RBFOX1: variants seen among roughly 807,000 people sequenced by gnomAD.
The protein encoded by RBFOX1 is RNA binding fox-1 homolog 1.
A neutral mutation model predicts 57.7 loss-of-function variants in RBFOX1; 8 were observed. The ratio of observed to expected loss-of-function variants is 0.14; its 90% CI spans 0.08 to 0.25. RBFOX1 has a LOEUF of 0.25. Ranked by LOEUF, RBFOX1 falls within the 10% of genes least tolerant of loss-of-function variation. The pLI is 1.00. For missense variants in RBFOX1, 611 were observed against 548.5 expected, an observed-to-expected ratio of 1.11 and a Z score of -1.14; for synonymous variants, 326 against 222.4, an observed-to-expected ratio of 1.47 and a Z score of -4.15.
intron 3 of RBFOX1, among the ~76,000 whole-genome samples, chr16:5,730,460 G>C (rs1465917269): frequency 6.6e-6 from 1 of 152,144 alleles, no homozygotes; most frequent in African/African-American, 2.4e-5. Flanking sequence ...ACACACACTG[G>C]AGCTGTTAAT....
intron 10 of RBFOX1, among the ~76,000 whole-genome samples, chr16:7,619,562 G>C (rs1191442737): frequency 1.3e-5 from 2 of 152,138 alleles, no homozygotes; most frequent in African/African-American, 2.4e-5. Flanking sequence ...TCCACAAATA[G>C]AGTCCCTCCT....
At chr16:5,269,752 T>G (rs1308456059) in intron 1 of RBFOX1, among the ~76,000 whole-genome samples, 2 of 152,188 alleles carry the variant, frequency 1.3e-5, no homozygotes, top group East Asian at 3.9e-4. Flanking sequence ...TAAAATTGAC[T>G]AGTAATGTTT....
chr16:6,854,347 G>C (rs942265582), intron 3 of RBFOX1, among the ~76,000 whole-genome samples: 14 of 152,076 alleles, frequency 9.2e-5, no homozygotes, highest in Admixed American at 8.5e-4. Flanking sequence ...TGGAACCTAT[G>C]AAGAGGAAAG....
At chr16:5,516,589 C>T (rs867329355) in intron 2 of RBFOX1, among the ~76,000 whole-genome samples, 1 of 152,126 alleles carries the variant, frequency 6.6e-6, no homozygotes, top group African/African-American at 2.4e-5. Context: ...TTATAGTAGG[C>T]CCTCAATAAA....
At chr16:6,157,608 C>T (rs2096847501) in intron 1 of RBFOX1, among the ~76,000 whole-genome samples, 2 of 152,052 alleles carry the variant, frequency 1.3e-5, no homozygotes, top group Non-Finnish European at 1.5e-5. Context: ...TAACTTAAGC[C>T]AAAGAAGTTT....
At chr16:5,385,760 C>T (rs1049142826) in intron 1 of RBFOX1, among the ~76,000 whole-genome samples, 1 of 152,122 alleles carries the variant, frequency 6.6e-6, no homozygotes, top group African/African-American at 2.4e-5. Context: ...TTATGACCAC[C>T]CTTCACTCTG....
At chr16:6,283,028 C>T (rs960106999) in intron 1 of RBFOX1, among the ~76,000 whole-genome samples, 1 of 152,188 alleles carries the variant, frequency 6.6e-6, no homozygotes, top group Non-Finnish European at 1.5e-5. Context: ...CTACATCTGA[C>T]TCTAAAACCC....
intron 4 of RBFOX1, among the ~76,000 whole-genome samples, chr16:7,470,211 C>G (rs747161283): frequency 2.0e-5 from 3 of 152,210 alleles, no homozygotes; most frequent in Non-Finnish European, 4.4e-5. Flanking sequence ...TATCATAGAA[C>G]TTATCTCACA....
intron 4 of RBFOX1, among the ~76,000 whole-genome samples, chr16:5,985,818 G>T (rs919985033): frequency 1.3e-5 from 2 of 152,142 alleles, no homozygotes; most frequent in African/African-American, 4.8e-5. Context: ...GCTGCCTCTG[G>T]GGGCGCACAG....
intron 4 of RBFOX1, among the ~76,000 whole-genome samples, chr16:7,231,933 A>C (rs2093519126): frequency 6.6e-6 from 1 of 152,216 alleles, no homozygotes; most frequent in African/African-American, 2.4e-5. Context: ...AAATAGGTAC[A>C]GATTTTGTTT....
In RBFOX1 at chr16:6,551,368, T is replaced by A. The variant is rs77818300; in HGVS notation, c.-63-103235T>A. ...CATCTCAGACTAGTTATTCAACAAC[T>A]GTGTGCCTAAATTTTCCTGCCTGTA... On this transcript the variant is annotated intron_variant, in intron 2 of 15. Transcript: ENST00000550418. 2.0e-3 allele frequency among the ~76,000 whole-genome samples: 310 copies of A among 152,296 alleles called. 4 individuals carry two copies. Among genetic ancestry groups the A allele is most frequent in the African/African-American group, 6.9e-3 (286 of 41,568 alleles).
intron 2 of RBFOX1, among the ~76,000 whole-genome samples, chr16:6,625,996 T>G (rs961361521): frequency 1.2e-4 from 19 of 152,190 alleles, no homozygotes; most frequent in Middle Eastern, 3.2e-3. Context: ...CAAAATTGAT[T>G]TATGTGCAAT....
At chr16:7,108,022 G>C (rs536376540) in intron 4 of RBFOX1, among the ~76,000 whole-genome samples, 6 of 151,142 alleles carry the variant, frequency 4.0e-5, no homozygotes, top group Admixed American at 6.6e-5. Context: ...CATAAGATTG[G>C]GGGGGAGAGG....
At chr16:7,431,339 G>C (rs868190364) in intron 4 of RBFOX1, 29 of 152,266 alleles carry the variant, frequency 1.9e-4, no homozygotes, top group African/African-American at 6.0e-4. Flanking sequence ...GAATTCTCCT[G>C]CCTCAGCCTC....
At chr16:5,549,994 A>C (rs2045393326) in intron 2 of RBFOX1, among the ~76,000 whole-genome samples, 3 of 152,208 alleles carry the variant, frequency 2.0e-5, no homozygotes, top group South Asian at 2.1e-4. Flanking sequence ...CATATTGCTC[A>C]ATGTCTCAGC....
chr16:5,650,814 C>T (rs2049210737), intron 3 of RBFOX1, among the ~76,000 whole-genome samples: 1 of 152,062 alleles, frequency 6.6e-6, no homozygotes, highest in Non-Finnish European at 1.5e-5. Flanking sequence ...AGTCTTTGTC[C>T]TTATGGAGGA....
chr16:6,722,412 A>G (rs575296971), intron 3 of RBFOX1, among the ~76,000 whole-genome samples: 5 of 152,194 alleles, frequency 3.3e-5, no homozygotes, highest in Non-Finnish European at 7.3e-5. Flanking sequence ...TAGGAAGTAT[A>G]TTATTTGCAG....
intron 2 of RBFOX1, among the ~76,000 whole-genome samples, chr16:6,332,216 A>G (rs1394825946): frequency 6.6e-6 from 1 of 152,240 alleles, no homozygotes; most frequent in Non-Finnish European, 1.5e-5. Flanking sequence ...AATGAAAGCA[A>G]TATTAAGAGA....
At chr16:7,148,096 C>G (rs115013059) in intron 4 of RBFOX1, among the ~76,000 whole-genome samples, 3 of 152,104 alleles carry the variant, frequency 2.0e-5, no homozygotes, top group African/African-American at 7.2e-5. Flanking sequence ...TAGTCACAGC[C>G]AATCTCTAGG....
Sources: allele counts gnomAD v4.1 joint callset (sites outside exome capture counted in the v4.1 genomes callset), GRCh38; gene constraint gnomAD v4.1.1; transcripts MANE v1.5; gene names NCBI Gene and HGNC (gene_info 2026-07-23, HGNC 2026-07-21).